The following EHMT1 variants were observed in gnomAD, a reference collection of about 807,000 sequenced individuals.
The protein encoded by EHMT1 is euchromatic histone lysine methyltransferase 1, also known as histone-lysine N-methyltransferase EHMT1.
In EHMT1, 15 loss-of-function variants were observed where a neutral mutation model predicts 147.2. The observed-to-expected ratio is 0.10, with a 90% CI of 0.07 to 0.16. The LOEUF (loss-of-function observed/expected upper bound fraction) is 0.16, where lower values mean the gene tolerates loss of function less well. EHMT1 is among the 10% of genes least tolerant of loss of function. The probability of loss-of-function intolerance (pLI) is 1.00; values close to 1 mark genes in which losing one functional copy is unlikely to be tolerated. For synonymous variants in EHMT1, 795 were observed against 709.6 expected (o/e 1.12, Z -1.91); for missense variants, 1,587 against 1,772.4 (o/e 0.90, Z 1.88).
intron 1 of EHMT1, among the ~76,000 whole-genome samples, chr9:137,649,941 CTG>C (rs1339527557): frequency 6.6e-6 from 1 of 152,188 alleles, no homozygotes; most frequent in Non-Finnish European, 1.5e-5. Flanking sequence ...CACGGAGTCT[CTG>C]TGTTACTTCT....
At chr9:137,814,600 G>C in intron 22 of EHMT1, 92 bp downstream of exon 22, 2 of 1,456,978 alleles carry the variant, frequency 1.4e-6, no homozygotes, top group South Asian at 2.3e-5. Context: ...CCCCAGCGCT[G>C]TCGTGGCAGC....
At chr9:137,801,580 C>A (rs568703044) in intron 18 of EHMT1, among the ~76,000 whole-genome samples, 1 of 152,310 alleles carries the variant, frequency 6.6e-6, no homozygotes, top group South Asian at 2.1e-4. Flanking sequence ...CTCACTGCAA[C>A]CTCCACCTCC....
chr9:137,834,123 G>A lies in EHMT1; in HGVS notation c.3541-226G>A, dbSNP rs550811796. ...GCACCACCCCCACCCCACCACAGAC[G>A]GAGGCCCAGCGAGGACGGCAGGGTG... On this transcript the variant is annotated intron_variant, in intron 25 of 26. Transcript: ENST00000460843. The A allele has an allele frequency of 2.0e-3, 1,201 of 614,158 alleles. 2 individuals are homozygous for A. Among genetic ancestry groups the A allele is most frequent in the Non-Finnish European group, 3.0e-3 (1,058 of 352,170 alleles). The allele number at this position is 614,158 out of a possible 1,614,324, so 38.0% of individuals were successfully genotyped here. A position where few individuals can be genotyped will look rare whatever the true frequency, so the allele number is the denominator to read the frequency against.
At chr9:137,800,624 G>A (rs1953395287) in intron 17 of EHMT1, 2 of 548,584 alleles carry the variant, frequency 3.6e-6, no homozygotes, top group Non-Finnish European at 6.6e-6. Context: ...AAGGCCGACA[G>A]CACAGGGCAT....
chr9:137,621,307 A>G (rs907533374), intron 1 of EHMT1, among the ~76,000 whole-genome samples: 3 of 152,206 alleles, frequency 2.0e-5, no homozygotes, highest in Admixed American at 6.6e-5. Context: ...GGGTTCATTA[A>G]TTGCCAAATG....
At chr9:137,710,283 C>A (rs1322576448) in intron 1 of EHMT1, among the ~76,000 whole-genome samples, 1 of 152,134 alleles carries the variant, frequency 6.6e-6, no homozygotes, top group African/African-American at 2.4e-5. Context: ...ACCAGCCTGG[C>A]CAACATGGCG....
chr9:137,797,999 A>G (rs570284299), intron 16 of EHMT1, among the ~76,000 whole-genome samples: 5 of 152,306 alleles, frequency 3.3e-5, no homozygotes, highest in Admixed American at 2.6e-4. Context: ...CCAACCTTGC[A>G]TGTCTTTGTT....
At chr9:137,769,123 C>T (rs562859211) in intron 10 of EHMT1, among the ~76,000 whole-genome samples, 4 of 152,222 alleles carry the variant, frequency 2.6e-5, no homozygotes, top group African/African-American at 7.2e-5. Flanking sequence ...TTATCACAGT[C>T]TACCTCCAAC....
Position 137,768,529 on chromosome 9 carries a change from A to ATTTTTTTT in EHMT1, c.1647+5740_1647+5747dup, listed in dbSNP as rs947901899. ...CCACCACGCCCGGCTAATTTTTTGT[A>ATTTTTTTT]TTTTTTTTTTTTTTTTTTTTTTTTT... On this transcript the variant is annotated intron_variant, in intron 10 of 26. Transcript: ENST00000460843. Among the ~76,000 whole-genome samples, 40 of 18,286 alleles carry ATTTTTTTT rather than the reference A, an allele frequency of 2.2e-3. 13 individuals carry two copies. Among genetic ancestry groups the ATTTTTTTT allele is most frequent in the Non-Finnish European group, 3.7e-3 (33 of 8,838 alleles). 12.0% of individuals were successfully genotyped at this position (18,286 alleles called of 152,430 possible). A position where few individuals can be genotyped will look rare whatever the true frequency, so the allele number is the denominator to read the frequency against.
At chr9:137,817,782 G>C (rs1207441860) in intron 24 of EHMT1, 2 of 626,870 alleles carry the variant, frequency 3.2e-6, no homozygotes, top group Non-Finnish European at 5.6e-6. Context: ...CAGTTAGGAA[G>C]GCGTGGTCCA....
chr9:137,698,327 T>C (rs1319604564), intron 1 of EHMT1, among the ~76,000 whole-genome samples: 1 of 152,248 alleles, frequency 6.6e-6, no homozygotes, highest in East Asian at 1.9e-4. Context: ...GTAGACATGG[T>C]AAACTACCTT....
chr9:137,792,190 CAG>C, intron 16 of EHMT1: 1 of 440,828 alleles, frequency 2.3e-6, no homozygotes, highest in Non-Finnish European at 4.6e-6. Context: ...GTAATGAAAA[CAG>C]TGTGGGACTG....
rs1253759618 is a variant in EHMT1, at chr9:137,813,818, G to T, written c.3180+288G>T. Among the ~76,000 whole-genome samples the T allele has an allele frequency of 6.6e-6, 1 of 152,142 alleles. No individual in the cohort carries two copies. Among genetic ancestry groups the T allele is most frequent in the East Asian group, 1.9e-4 (1 of 5,180 alleles). On this transcript the variant is annotated intron_variant, in intron 21 of 26. Transcript: ENST00000460843. The surrounding 1 kb of genome is among the most constrained non-coding windows in gnomAD (Gnocchi z 4.9). ...CTTTTTTGTAACCTCACACTCAGGG[G>T]CCCCGGTGTGGCTTCGTGCTGGGGG...
chr9:137,718,476 G>T (rs1248781751), intron 3 of EHMT1, among the ~76,000 whole-genome samples: 2 of 152,206 alleles, frequency 1.3e-5, no homozygotes, highest in East Asian at 3.9e-4. Context: ...CTCAGCCACT[G>T]TTTAGGGCTT....
In EHMT1 at chr9:137,631,992, T is replaced by C. The variant is rs866454966; in HGVS notation, c.21+12943T>C. 5.6e-3 allele frequency among the ~76,000 whole-genome samples: 859 copies of C among 152,316 alleles called. 9 individuals carry two copies. The highest frequency in any genetic ancestry group is 0.019 in the African/African-American group (771 of 41,570). On this transcript the variant is annotated intron_variant, in intron 1 of 26. Coordinates refer to ENST00000460843, the MANE Select transcript of EHMT1 (RefSeq NM_024757.5). ...TGCCTTTTCTGTGTTCAGACGCACATGTGTCATTGTGTTGCACTTACCTGC... is the reference window on the plus strand; with the variant it reads ...TGCCTTTTCTGTGTTCAGACGCACACGTGTCATTGTGTTGCACTTACCTGC...
chr9:137,716,605 C>T (rs1945329660), intron 2 of EHMT1, 21 bp from the exon 3 acceptor site: 1 of 1,541,786 alleles, frequency 6.5e-7, no homozygotes, highest in Non-Finnish European at 8.7e-7. Context: ...CAGTCAGTGA[C>T]ACTCGTTTCT....
chr9:137,801,382 C>T (rs1255232457), intron 18 of EHMT1, among the ~76,000 whole-genome samples: 2 of 151,764 alleles, frequency 1.3e-5, no homozygotes, highest in Non-Finnish European at 2.9e-5. Context: ...AGTGCAGTGG[C>T]GTAATCTTGG....
intron 25 of EHMT1, among the ~76,000 whole-genome samples, chr9:137,822,660 C>T (rs565036453): frequency 4.4e-4 from 67 of 152,126 alleles, no homozygotes; most frequent in African/African-American, 1.4e-3. Context: ...TTTGGAAGGC[C>T]GAGGCGGGCG....
At position 137,780,269 on chromosome 9, in the gene EHMT1, GTGA is replaced by G. The variant is rs1361519607; in HGVS notation, c.2275+558_2275+560del. Among the ~76,000 whole-genome samples the G allele has an allele frequency of 3.4e-5, 5 of 147,500 alleles. No homozygotes were observed. In the East Asian group the frequency reaches 6.3e-4, roughly 18 times the overall value. On this transcript the variant is annotated intron_variant, in intron 14 of 26. Transcript: ENST00000460843. ...TGTGGTGATGACGCTGGGATGTGTGGTGATGATGCTGGGATGTGTGGTGATGAC... is the reference window on the plus strand; with the variant it reads ...TGTGGTGATGACGCTGGGATGTGTGGTGATGCTGGGATGTGTGGTGATGAC...
Sources: gnomAD v4.1 joint callset for allele counts (sites outside exome capture counted in the v4.1 genomes callset) on GRCh38, gnomAD v4.1.1 for gene constraint, Gnocchi (gnomAD v3.1) non-coding constraint, MANE v1.5 for transcripts, NCBI Gene and HGNC (gene_info 2026-07-23, HGNC 2026-07-21) for gene names.